The following TRIM37 variants were observed in gnomAD, a reference collection of about 807,000 sequenced individuals.
TRIM37 encodes E3 ubiquitin-protein ligase TRIM37.
In TRIM37, 80 loss-of-function variants were observed where a neutral mutation model predicts 129.8. The observed-to-expected ratio is 0.62, with a 90% CI of 0.51 to 0.74. The LOEUF (loss-of-function observed/expected upper bound fraction) is 0.74. Among genes scored for constraint, TRIM37 ranks in the 30% least tolerant of loss-of-function variants. The pLI is 0.00. For missense variants in TRIM37, 1,054 were observed against 1,176.5 expected, an observed-to-expected ratio of 0.90 and a Z score of 1.52; for synonymous variants, 389 against 387.1, an observed-to-expected ratio of 1.00 and a Z score of -0.06.
intron 2 of TRIM37, among the ~76,000 whole-genome samples, chr17:59,101,438 C>A (rs977466156): frequency 2.6e-5 from 4 of 151,902 alleles, no homozygotes; most frequent in Admixed American, 6.6e-5. Flanking sequence ...AATGTTCATA[C>A]TTCTCTATTA....
chr17:58,983,385 G>C (rs1370798689), intron 24 of TRIM37: 3 of 154,158 alleles, frequency 1.9e-5, no homozygotes, highest in South Asian at 2.0e-4. Flanking sequence ...TTATTGGTCT[G>C]ATATATGCTG....
intron 14 of TRIM37, among the ~76,000 whole-genome samples, chr17:59,050,324 G>T (rs1300902081): frequency 2.0e-5 from 3 of 152,220 alleles, no homozygotes; most frequent in Non-Finnish European, 4.4e-5. Flanking sequence ...AAATGCTCTA[G>T]ATTTGCAGTA....
chr17:59,044,015 C>T (rs1370348370), intron 16 of TRIM37, among the ~76,000 whole-genome samples: 2 of 152,090 alleles, frequency 1.3e-5, no homozygotes, highest in Non-Finnish European at 2.9e-5. Flanking sequence ...TTTTTTAAGC[C>T]CTGGTGTGGT....
Position 59,049,290 on chromosome 17 carries a change from T to C in TRIM37, c.1418A>G (p.Lys473Arg). Residue 473 changes from lysine (K) to arginine (R), a missense_variant, in exon 15 of 24, where the codon AAG becomes AGG. Coordinates refer to ENST00000262294, the MANE Select transcript of TRIM37 (RefSeq NM_015294.6). ...AAGCATGTCAGAGCATGCAGACTTC[T>C]TAGCTCGTGTCTCCAGAGCATCATC... ...QNDDALETRAKKSACSDMLLE... is the reference protein window; with the variant it reads ...QNDDALETRARKSACSDMLLE... 1 of 1,614,186 alleles carries C rather than the reference T, an allele frequency of 6.2e-7. No homozygotes were observed. The highest frequency in any genetic ancestry group is 8.5e-7 in the Non-Finnish European group (1 of 1,180,036).
intron 7 of TRIM37, among the ~76,000 whole-genome samples, chr17:59,078,336 CA>C (rs1293685271): frequency 2.6e-5 from 4 of 152,010 alleles, no homozygotes. Flanking sequence ...TTGAAAGCCA[CA>C]AAAGCAGGGC....
intron 19 of TRIM37, among the ~76,000 whole-genome samples, chr17:59,020,230 CAAAAAAAAAAAAAAAAAAA>C (rs58159558): frequency 6.2e-5 from 2 of 32,044 alleles, no homozygotes; most frequent in African/African-American, 2.6e-4. Context: ...GACTCTGTCT[CAAAAAAAAAAAAAAAAAAA>C]AAAAAAAAAA....
At chr17:59,033,559 T>C (rs1293579381) in intron 17 of TRIM37, among the ~76,000 whole-genome samples, 2 of 151,816 alleles carry the variant, frequency 1.3e-5, no homozygotes, top group African/African-American at 2.4e-5. Flanking sequence ...CAGCCTCCCG[T>C]AGTGGGGACT....
At chr17:59,037,922 A>G (rs1251906542) in intron 17 of TRIM37, among the ~76,000 whole-genome samples, 1 of 152,110 alleles carries the variant, frequency 6.6e-6, no homozygotes, top group Non-Finnish European at 1.5e-5. Context: ...TATGTCAAAT[A>G]TTTTGTAGAA....
chr17:59,046,728 G>A (rs965951910), intron 16 of TRIM37, among the ~76,000 whole-genome samples: 1 of 151,184 alleles, frequency 6.6e-6, no homozygotes, highest in Non-Finnish European at 1.5e-5. Flanking sequence ...TTTTAGTAGA[G>A]ACGGGGTTTC....
intron 12 of TRIM37, among the ~76,000 whole-genome samples, chr17:59,058,776 A>C (rs1325014397): frequency 6.6e-6 from 1 of 152,102 alleles, no homozygotes; most frequent in Non-Finnish European, 1.5e-5. Context: ...AGGCAGGAGG[A>C]TCACCTGGGC....
intron 14 of TRIM37, 111 bp downstream of exon 14, chr17:59,051,103 T>A: frequency 3.9e-6 from 3 of 772,172 alleles, no homozygotes; most frequent in Non-Finnish European, 6.4e-6. Flanking sequence ...TTTTTTCTAA[T>A]TACAAATTAC....
At chr17:58,994,742 CT>C (rs907731040), downstream of TRIM37, among the ~76,000 whole-genome samples, 1 of 150,322 alleles carries the variant, frequency 6.7e-6, no homozygotes, top group African/African-American at 2.5e-5. Flanking sequence ...TATACATTTT[CT>C]TTCTTTCTTT....
At chr17:59,096,687 C>T (rs1012081490) in intron 2 of TRIM37, among the ~76,000 whole-genome samples, 8 of 151,900 alleles carry the variant, frequency 5.3e-5, no homozygotes, top group African/African-American at 1.9e-4. Flanking sequence ...AATGCCTAAT[C>T]CTGCATTTGA....
Position 59,088,334 on chromosome 17 carries a change from G to GCC in TRIM37, c.237_238insGG (p.Gln80GlyfsTer65), listed in dbSNP as rs755390006. 6.2e-7 allele frequency: 1 copy of GCC among 1,613,594 alleles called. No homozygotes were observed. Among genetic ancestry groups the GCC allele is most frequent in the Non-Finnish European group, 8.5e-7 (1 of 1,179,670 alleles). ...TCATGTTTGGTGAGACTGCAGAGTT[G>GCC]AAGAGTATCAAGCTGTTGTGTTACT... On this transcript the variant is annotated frameshift_variant, in exon 4 of 24. Coordinates refer to ENST00000262294, the MANE Select transcript of TRIM37 (RefSeq NM_015294.6). LOFTEE classifies it high-confidence loss of function.
intron 19 of TRIM37, among the ~76,000 whole-genome samples, chr17:59,025,643 C>T (rs1299619725): frequency 1.3e-5 from 2 of 151,912 alleles, no homozygotes; most frequent in Non-Finnish European, 2.9e-5. Context: ...GAAAGTTGGC[C>T]CTCCTATATG....
intron 22 of TRIM37, among the ~76,000 whole-genome samples, chr17:59,011,190 G>C (rs1443986454): frequency 1.3e-5 from 2 of 150,774 alleles, no homozygotes; most frequent in Non-Finnish European, 3.0e-5. Flanking sequence ...AAAAACAACA[G>C]AAAAAGAAAG....
intron 15 of TRIM37, 112 bp from the exon 16 acceptor site, chr17:59,047,931 T>A: frequency 1.6e-6 from 2 of 1,273,376 alleles, no homozygotes; most frequent in Non-Finnish European, 2.2e-6. Context: ...TTCAAAAATC[T>A]ATTTTCTGCT....
At chr17:58,999,723 T>A (rs913770609) in intron 23 of TRIM37, among the ~76,000 whole-genome samples, 2 of 152,120 alleles carry the variant, frequency 1.3e-5, no homozygotes, top group Non-Finnish European at 2.9e-5. Flanking sequence ...TCTCATTTTG[T>A]CCTCCTGGGG....
intron 22 of TRIM37, among the ~76,000 whole-genome samples, chr17:59,006,803 C>T (rs1212730255): frequency 2.6e-5 from 4 of 151,978 alleles, no homozygotes; most frequent in African/African-American, 4.8e-5. Context: ...GCAGGAGAAT[C>T]GCTTGAACCT....
Sources: gnomAD v4.1 joint callset for allele counts (sites outside exome capture counted in the v4.1 genomes callset) on GRCh38, gnomAD v4.1.1 for gene constraint, MANE v1.5 for transcripts, NCBI Gene and HGNC (gene_info 2026-07-23, HGNC 2026-07-21) for gene names.